GALNT10: variants seen among roughly 807,000 people sequenced by gnomAD.
GALNT10 encodes GalNAc transferase 10.
GALNT10 carries 41 observed loss-of-function variants against 75.0 expected under a neutral mutation model. The observed-to-expected ratio is 0.55, with a 90% CI of 0.43 to 0.71. The LOEUF is 0.71. Among genes scored for constraint, GALNT10 ranks in the 30% least tolerant of loss-of-function variants. The probability of loss-of-function intolerance (pLI) is 0.00; values close to 1 mark genes in which losing one functional copy is unlikely to be tolerated. For synonymous variants in GALNT10, 302 were observed against 313.0 expected, an observed-to-expected ratio of 0.96 and a Z score of 0.37; for missense variants, 727 against 818.5, an observed-to-expected ratio of 0.89 and a Z score of 1.36.
intron 1 of GALNT10, among the ~76,000 whole-genome samples, chr5:154,226,220 A>G (rs929179691): frequency 5.3e-5 from 8 of 152,222 alleles, no homozygotes; most frequent in African/African-American, 1.9e-4. Flanking sequence ...GGAACTTAGC[A>G]TATCAGCTTT....
rs115700877 is a variant in GALNT10, at chr5:154,248,847, T to A, written c.160-45969T>A. Among the ~76,000 whole-genome samples, 494 of 152,378 alleles carry A rather than the reference T, an allele frequency of 3.2e-3. 2 individuals carry two copies. The highest frequency in any genetic ancestry group is 0.012 in the African/African-American group (487 of 41,606). On this transcript the variant is annotated intron_variant, in intron 1 of 11. Coordinates refer to ENST00000297107, the MANE Select transcript of GALNT10 (RefSeq NM_198321.4). The stretch of plus-strand genomic sequence containing the variant: ...AGGGAATGAGGGCATTTTTCTTTCA[T>A]GCTGGTCATATAGAGGAGTCAGAGC...
chr5:154,364,372 G>T (rs1456668698), intron 4 of GALNT10, among the ~76,000 whole-genome samples: 1 of 152,178 alleles, frequency 6.6e-6, no homozygotes, highest in Non-Finnish European at 1.5e-5. Flanking sequence ...TTAGATACCA[G>T]AAGACCTGTG....
intron 3 of GALNT10, among the ~76,000 whole-genome samples, chr5:154,307,706 C>G (rs1013342679): frequency 1.2e-4 from 18 of 150,974 alleles, no homozygotes; most frequent in Non-Finnish European, 2.4e-4. Context: ...ACTGTAAAAC[C>G]AGCATTATCC....
rs374953800 is a variant in GALNT10 at position 154,380,647 on chromosome 5, C to G, written c.938+16C>G. ...ACCCATTTGAGTAAGTATGAACAACCCTGGCTGGTCCCAGTGGCTACCCAG... is the reference window on the plus strand; with the variant it reads ...ACCCATTTGAGTAAGTATGAACAACGCTGGCTGGTCCCAGTGGCTACCCAG... On this transcript the variant is annotated intron_variant, in intron 6 of 11. Transcript: ENST00000297107. 1.6e-5 allele frequency: 26 copies of G among 1,583,210 alleles called. No individual in the cohort carries two copies. The highest frequency in any genetic ancestry group is 6.7e-5 in the African/African-American group (5 of 74,244).
chr5:154,393,234 C>T lies in GALNT10; in HGVS notation c.1056+6804C>T, dbSNP rs561572601. ...GACTACAGGTCTACACCACCACTCC[C>T]GGCTAATTTTTTAATATTTTGTAAT... is the stretch of plus-strand genomic sequence containing the variant. On this transcript the variant is annotated intron_variant, in intron 7 of 11. Coordinates refer to ENST00000297107, the MANE Select transcript of GALNT10 (RefSeq NM_198321.4). 2.2e-4 allele frequency among the ~76,000 whole-genome samples: 34 copies of T among 152,098 alleles called. No individual in the cohort carries two copies. In the East Asian group the frequency reaches 3.9e-3, roughly 17 times the overall value.
chr5:154,296,495 G>A (rs573643031), intron 2 of GALNT10, among the ~76,000 whole-genome samples: 2 of 152,264 alleles, frequency 1.3e-5, no homozygotes, highest in South Asian at 2.1e-4. Context: ...CAAGAGTAAC[G>A]AGCAGTGGAG....
intron 8 of GALNT10, among the ~76,000 whole-genome samples, chr5:154,405,772 G>A (rs1248216378): frequency 6.6e-6 from 1 of 152,072 alleles, no homozygotes; most frequent in Non-Finnish European, 1.5e-5. Flanking sequence ...CTTGGGCCAG[G>A]GAGGTCGAGG....
At chr5:154,387,550 G>C (rs1271021144) in intron 7 of GALNT10, 7 of 152,214 alleles carry the variant, frequency 4.6e-5, no homozygotes, top group African/African-American at 1.7e-4. Context: ...GTGCCAGAGT[G>C]CCACGATCAG....
At chr5:154,290,194 T>A (rs900570552) in intron 1 of GALNT10, among the ~76,000 whole-genome samples, 3 of 150,438 alleles carry the variant, frequency 2.0e-5, no homozygotes, top group Non-Finnish European at 4.4e-5. Flanking sequence ...TGAGTTCAAG[T>A]GATTCTACTG....
intron 1 of GALNT10, among the ~76,000 whole-genome samples, chr5:154,253,607 G>A (rs1753561816): frequency 6.6e-6 from 1 of 151,086 alleles, no homozygotes. Flanking sequence ...TTTGACATCA[G>A]TACTTTTAAG....
intron 7 of GALNT10, among the ~76,000 whole-genome samples, chr5:154,393,568 C>A (rs1465945338): frequency 2.6e-5 from 4 of 152,200 alleles, no homozygotes; most frequent in African/African-American, 9.6e-5. Context: ...CACAGTGGCT[C>A]ATGCCCGTAA....
intron 4 of GALNT10, among the ~76,000 whole-genome samples, chr5:154,369,877 C>A (rs1047018150): frequency 6.6e-6 from 1 of 152,212 alleles, no homozygotes; most frequent in African/African-American, 2.4e-5. Flanking sequence ...CCTCTTCTTC[C>A]CTCTTGGGCT....
At chr5:154,261,833 A>C (rs1753702844) in intron 1 of GALNT10, among the ~76,000 whole-genome samples, 1 of 152,238 alleles carries the variant, frequency 6.6e-6, no homozygotes, top group Admixed American at 6.5e-5. Context: ...TTGTGCCATC[A>C]GGGTCTAGCA....
intron 4 of GALNT10, among the ~76,000 whole-genome samples, chr5:154,334,978 C>T (rs1453638300): frequency 6.6e-6 from 1 of 152,156 alleles, no homozygotes; most frequent in African/African-American, 2.4e-5. Flanking sequence ...TCCATTTTGC[C>T]CCATCCCTCT....
intron 1 of GALNT10, among the ~76,000 whole-genome samples, chr5:154,231,949 A>T (rs1753157311): frequency 6.6e-6 from 1 of 152,200 alleles, no homozygotes; most frequent in African/African-American, 2.4e-5. Context: ...CAGCCCAAAG[A>T]GCCTGTTAAG....
rs369451973 is a variant in GALNT10, at chr5:154,372,036, C to A, written c.569-4241C>A. ...AAGGATGGGTCTATGGAAGGTTCAT[C>A]ATTCTATTCTACTTTTTAAATATAT... On this transcript the variant is annotated intron_variant, in intron 4 of 11. Coordinates refer to ENST00000297107, the MANE Select transcript of GALNT10 (RefSeq NM_198321.4). 1.9e-4 allele frequency among the ~76,000 whole-genome samples: 29 copies of A among 152,274 alleles called. No individual in the cohort carries two copies. In the East Asian group the frequency reaches 2.9e-3, roughly 15 times the overall value.
intron 3 of GALNT10, among the ~76,000 whole-genome samples, chr5:154,305,252 T>A (rs1196841376): frequency 2.6e-5 from 4 of 150,982 alleles, no homozygotes; most frequent in African/African-American, 4.9e-5. Flanking sequence ...GCTATGACCG[T>A]GCTACTGCAC....
At chr5:154,361,689 A>G (rs1755390827) in intron 4 of GALNT10, among the ~76,000 whole-genome samples, 1 of 152,260 alleles carries the variant, frequency 6.6e-6, no homozygotes, top group African/African-American at 2.4e-5. Flanking sequence ...TTAACAGACC[A>G]TAGGTATTAA....
chr5:154,271,251 G>C (rs1051306357), intron 1 of GALNT10, among the ~76,000 whole-genome samples: 3 of 152,068 alleles, frequency 2.0e-5, no homozygotes, highest in African/African-American at 7.2e-5. Flanking sequence ...CAAATCACCT[G>C]AGGTCAGGAG....
Sources: gnomAD v4.1 joint callset for allele counts (sites outside exome capture counted in the v4.1 genomes callset) on GRCh38, gnomAD v4.1.1 for gene constraint, MANE v1.5 for transcripts, NCBI Gene and HGNC (gene_info 2026-07-23, HGNC 2026-07-21) for gene names.